ADAMTS6: variants seen among roughly 807,000 people sequenced by gnomAD.
ADAMTS6 encodes the protein A disintegrin and metalloproteinase with thrombospondin motifs 6.
In ADAMTS6, 23 loss-of-function variants were observed where a neutral mutation model predicts 144.3. The observed-to-expected ratio is 0.16, with a 90% CI of 0.11 to 0.23. The LOEUF is 0.23. ADAMTS6 is among the 10% of genes least tolerant of loss of function. The probability of loss-of-function intolerance (pLI) is 1.00; values close to 1 mark genes in which losing one functional copy is unlikely to be tolerated. For synonymous variants in ADAMTS6, 444 were observed against 457.5 expected, an observed-to-expected ratio of 0.97 and a Z score of 0.38; for missense variants, 999 against 1,379.6, an observed-to-expected ratio of 0.72 and a Z score of 4.37.
At chr5:65,158,795 C>A (rs1752577807) in intron 24 of ADAMTS6, among the ~76,000 whole-genome samples, 1 of 152,156 alleles carries the variant, frequency 6.6e-6, no homozygotes. Context: ...AGATGTTGAA[C>A]ACAGCAAATT....
At chr5:65,315,131 T>C (rs1387810593) in intron 9 of ADAMTS6, among the ~76,000 whole-genome samples, 1 of 151,932 alleles carries the variant, frequency 6.6e-6, no homozygotes, top group Non-Finnish European at 1.5e-5. Context: ...TTACAGTAAG[T>C]GGATAAATAA....
At chr5:65,373,096 G>A (rs539975671) in intron 7 of ADAMTS6, among the ~76,000 whole-genome samples, 7,416 of 150,500 alleles carry the variant, frequency 0.049, 228 homozygotes, top group East Asian at 0.1. Context: ...TCTCTGGGAC[G>A]TATTCAAAGC....
intron 24 of ADAMTS6, among the ~76,000 whole-genome samples, chr5:65,163,835 T>A (rs183454733): frequency 6.6e-6 from 1 of 152,388 alleles, no homozygotes; most frequent in East Asian, 1.9e-4. Flanking sequence ...CTTCACATTC[T>A]TGATAATTTC....
At chr5:65,441,134 T>C (rs1757828989) in intron 7 of ADAMTS6, among the ~76,000 whole-genome samples, 2 of 152,130 alleles carry the variant, frequency 1.3e-5, no homozygotes, top group South Asian at 2.1e-4. Flanking sequence ...CCTAGAGATC[T>C]GAAAGATTTT....
At chr5:65,302,431 A>G (rs1743533381) in intron 9 of ADAMTS6, among the ~76,000 whole-genome samples, 1 of 150,384 alleles carries the variant, frequency 6.6e-6, no homozygotes, top group Non-Finnish European at 1.5e-5. Context: ...GCATATACAC[A>G]TATTAGGAAG....
chr5:65,343,707 A>G (rs1205710749), intron 7 of ADAMTS6, among the ~76,000 whole-genome samples: 1 of 152,124 alleles, frequency 6.6e-6, no homozygotes, highest in Non-Finnish European at 1.5e-5. Context: ...GAACTATATG[A>G]AACTAAAAAG....
At chr5:65,211,129 G>A (rs1238508045) in intron 20 of ADAMTS6, among the ~76,000 whole-genome samples, 1 of 152,138 alleles carries the variant, frequency 6.6e-6, no homozygotes, top group African/African-American at 2.4e-5. Flanking sequence ...TTGGGTCAAA[G>A]TTCCTAAACT....
chr5:65,304,479 C>A (rs1743739304), intron 9 of ADAMTS6, among the ~76,000 whole-genome samples: 1 of 152,174 alleles, frequency 6.6e-6, no homozygotes, highest in Admixed American at 6.5e-5. Flanking sequence ...GTCACCAAGG[C>A]TGGAGTGCAG....
intron 19 of ADAMTS6, 35 bp downstream of exon 19, chr5:65,215,289 A>G: frequency 6.2e-7 from 1 of 1,603,584 alleles, no homozygotes; most frequent in Non-Finnish European, 8.5e-7. Flanking sequence ...GGGGAATTAA[A>G]AACAGAAGAA....
intron 15 of ADAMTS6, among the ~76,000 whole-genome samples, chr5:65,233,771 A>G (rs1758442532): frequency 6.6e-6 from 1 of 152,106 alleles, no homozygotes; most frequent in Non-Finnish European, 1.5e-5. Context: ...CAAAAATAGA[A>G]AAAGCAATCC....
chr5:65,447,103 A>G (rs984387236), intron 7 of ADAMTS6, among the ~76,000 whole-genome samples: 4 of 152,166 alleles, frequency 2.6e-5, no homozygotes, highest in African/African-American at 9.6e-5. Flanking sequence ...CAAGAAATAT[A>G]TGCATTAGTC....
At chr5:65,478,617 T>G (rs1161403782) in intron 1 of ADAMTS6, among the ~76,000 whole-genome samples, 1 of 152,144 alleles carries the variant, frequency 6.6e-6, no homozygotes, top group Non-Finnish European at 1.5e-5. Flanking sequence ...TTCAAAGCCC[T>G]TCCTTCAAAA....
intron 15 of ADAMTS6, among the ~76,000 whole-genome samples, chr5:65,238,414 G>A (rs993287709): frequency 6.6e-6 from 1 of 151,926 alleles, no homozygotes; most frequent in African/African-American, 2.4e-5. Flanking sequence ...ACCAACCTGG[G>A]CAACATGGTG....
intron 24 of ADAMTS6, among the ~76,000 whole-genome samples, chr5:65,167,495 T>A (rs1252179484): frequency 1.3e-5 from 2 of 151,352 alleles, no homozygotes; most frequent in East Asian, 3.9e-4. Context: ...ACTATTCCAA[T>A]CAATAGAAAA....
chr5:65,375,924 T>C (rs890180115), intron 7 of ADAMTS6, among the ~76,000 whole-genome samples: 4 of 152,202 alleles, frequency 2.6e-5, no homozygotes, highest in Non-Finnish European at 5.9e-5. Flanking sequence ...TGGAATACTA[T>C]GCAGCCGTAA....
At chr5:65,231,266 C>T (rs1437975559) in intron 15 of ADAMTS6, among the ~76,000 whole-genome samples, 2 of 151,636 alleles carry the variant, frequency 1.3e-5, no homozygotes, top group East Asian at 1.9e-4. Context: ...GGCTATTAGT[C>T]AAAAACTGTA....
At chr5:65,275,620 G>A (rs1369317656) in intron 11 of ADAMTS6, among the ~76,000 whole-genome samples, 1 of 151,110 alleles carries the variant, frequency 6.6e-6, no homozygotes, top group Non-Finnish European at 1.5e-5. Flanking sequence ...TATAGAAGAA[G>A]GTTTTTAAAC....
intron 20 of ADAMTS6, among the ~76,000 whole-genome samples, chr5:65,212,706 A>T (rs1756626855): frequency 6.6e-6 from 1 of 152,152 alleles, no homozygotes; most frequent in Admixed American, 6.5e-5. Context: ...GACTGTATCT[A>T]AACCATCCCC....
intron 7 of ADAMTS6, among the ~76,000 whole-genome samples, chr5:65,384,505 C>T (rs1752322009): frequency 6.6e-6 from 1 of 152,150 alleles, no homozygotes; most frequent in East Asian, 1.9e-4. Flanking sequence ...CAGAGATCAT[C>T]TTTCCTCTAG....
Sources: allele counts gnomAD v4.1 joint callset (sites outside exome capture counted in the v4.1 genomes callset), GRCh38; gene constraint gnomAD v4.1.1; transcripts MANE v1.5; gene names NCBI Gene and HGNC (gene_info 2026-07-23, HGNC 2026-07-21).